FBN3: variants seen among roughly 807,000 people sequenced by gnomAD.
FBN3 encodes fibrillin-3.
A neutral mutation model predicts 330.1 loss-of-function variants in FBN3; 234 were observed. The observed-to-expected ratio is 0.71, with a 90% CI of 0.64 to 0.79. The LOEUF is 0.79. FBN3 is among the 30% of genes least tolerant of loss of function. The pLI, the probability that FBN3 is intolerant of heterozygous loss-of-function variation, is 0.00. For missense variants in FBN3, 3,606 were observed against 3,886.9 expected, an observed-to-expected ratio of 0.93 and a Z score of 1.92; for synonymous variants, 1,458 against 1,517.3, an observed-to-expected ratio of 0.96 and a Z score of 0.91.
At chr19:8,126,397 G>T in intron 20 of FBN3, 50 bp from the exon 21 acceptor site, 1 of 1,583,946 alleles carries the variant, frequency 6.3e-7, no homozygotes, top group Admixed American at 1.9e-5. Context: ...TCTCATGCCA[G>T]CCCAAGGGGG....
At position 8,073,249 on chromosome 19, in the gene FBN3, C is replaced by G; in HGVS notation, c.7751G>C (p.Cys2584Ser). The G allele has an allele frequency of 6.2e-7, 1 of 1,613,984 alleles. No homozygotes were observed. The highest frequency in any genetic ancestry group is 8.5e-7 in the Non-Finnish European group (1 of 1,179,970). The change falls in exon 62 of 64, where the codon TGT (cysteine) becomes TCT (serine). Residue 2584 changes from cysteine (C) to serine (S), a missense_variant. Coordinates refer to ENST00000600128, the MANE Select transcript of FBN3 (RefSeq NM_032447.5). The stretch of plus-strand genomic sequence containing the variant: ...GCGGAAGCCACCAAGAGTGTTGCGA[C>G]AGGAGGCGCTCCCGCAGGTGGGGGG... ...LSPPTCGSAS[C>S]RNTLGGFRCV...
Position 8,129,064 on chromosome 19 carries a change from C to CGG in FBN3, c.2258_2259dup (p.Gly754ProfsTer24). On this transcript the variant is annotated frameshift_variant, in exon 18 of 64. Coordinates refer to ENST00000600128, the MANE Select transcript of FBN3 (RefSeq NM_032447.5). LOFTEE classifies it high-confidence loss of function. This position sits in a 1 kb window ranked among gnomAD's most constrained non-coding sequence, Gnocchi z 4.5. ...TCCGTGTCCTGCCAGAAGTGGAAGCCGGGGGGGCAGGAGCAGCTGTAGCTG... is the reference window on the plus strand; with the variant it reads ...TCCGTGTCCTGCCAGAAGTGGAAGCCGGGGGGGGGCAGGAGCAGCTGTAGCTG... 6.2e-7 allele frequency: 1 copy of CGG among 1,604,214 alleles called. No homozygotes were observed.
Position 8,081,019 on chromosome 19 carries a change from G to A in FBN3, c.7437C>T (p.His2479=). The change falls in exon 59 of 64, where the codon CAC becomes CAT. Residue 2479 remains histidine, a synonymous_variant. Transcript: ENST00000600128. ...GTCACTCACCGAAGCAGGCCTGGTG[G>A]TGCTGGGTGAAGCCGGGCGGACAGC... ...TCRCPPGFTQ[H]HQACFDNDEC... is the part of the protein sequence containing the mutation. The A allele has an allele frequency of 6.2e-7, 1 of 1,612,316 alleles. No homozygotes were observed. Among genetic ancestry groups the A allele is most frequent in the Non-Finnish European group, 8.5e-7 (1 of 1,179,350 alleles).
At position 8,129,077 on chromosome 19, in the gene FBN3, G is replaced by GCAGCT; in HGVS notation, c.2242_2246dup (p.Cys749Ter). ...AGAAGTGGAAGCCGGGGGGGCAGGA[G>GCAGCT]CAGCTGTAGCTGCCAGGGCTATTCT... is the stretch of plus-strand genomic sequence containing the variant. On this transcript the variant is annotated stop_gained and frameshift_variant, in exon 18 of 64. Coordinates refer to ENST00000600128, the MANE Select transcript of FBN3 (RefSeq NM_032447.5). LOFTEE classifies it high-confidence loss of function. The surrounding 1 kb of genome is among the most constrained non-coding windows in gnomAD (Gnocchi z 4.5). 6 of 1,613,560 alleles carry GCAGCT rather than the reference G, an allele frequency of 3.7e-6. No individual in the cohort carries two copies. Among genetic ancestry groups the GCAGCT allele is most frequent in the Non-Finnish European group, 5.1e-6 (6 of 1,179,984 alleles).
rs181190282 is a variant in FBN3 at position 8,101,249 on chromosome 19, C to G, written c.5090-277G>C. ...AGGTGACCCTCCCACCTTAGCCTCC[C>G]AAGTAGCTGGGATTACAGGCGTGAG... is the stretch of plus-strand genomic sequence containing the variant. On this transcript the variant is annotated intron_variant, in intron 40 of 63. Coordinates refer to ENST00000600128, the MANE Select transcript of FBN3 (RefSeq NM_032447.5). Among the ~76,000 whole-genome samples the G allele has an allele frequency of 2.6e-3, 398 of 152,320 alleles. 3 individuals carry two copies. The highest frequency in any genetic ancestry group is 9.2e-3 in the African/African-American group (382 of 41,568).
At chr19:8,080,234 T>C (rs1289332366) in intron 59 of FBN3, among the ~76,000 whole-genome samples, 1 of 152,222 alleles carries the variant, frequency 6.6e-6, no homozygotes, top group Non-Finnish European at 1.5e-5. Context: ...GTAGGTGCTG[T>C]CTGGGCAGAT....
intron 30 of FBN3, among the ~76,000 whole-genome samples, chr19:8,115,094 A>G (rs1027011857): frequency 6.6e-6 from 1 of 151,762 alleles, no homozygotes; most frequent in East Asian, 1.9e-4. Flanking sequence ...ACCTCAGGTG[A>G]TCTGCCCGCC....
intron 13 of FBN3, 25 bp downstream of exon 13, chr19:8,135,936 G>GGGGGGGGGGGGGCGCCCCC: frequency 3.0e-6 from 2 of 668,778 alleles, no homozygotes; most frequent in Non-Finnish European, 4.8e-6. Context: ...GGAAGCCCCT[G>GGGGGGGGGGGGGCGCCCCC]CCCACCCGCC....
At chr19:8,082,325 TTCTG>T (rs1339333406) in intron 57 of FBN3, among the ~76,000 whole-genome samples, 1 of 149,938 alleles carries the variant, frequency 6.7e-6, no homozygotes, top group Admixed American at 6.8e-5. Flanking sequence ...CTTTCTTTCT[TTCTG>T]TTTCTTTCTC....
chr19:8,147,469 C>T lies in FBN3; in HGVS notation c.12G>A (p.Glu4=). The change falls in exon 2 of 64, where the codon GAG becomes GAA. Residue 4 remains glutamate (E), a synonymous_variant. Coordinates refer to ENST00000600128, the MANE Select transcript of FBN3 (RefSeq NM_032447.5). MTL[E]GLYLARGPLA... Reference sequence around the variant, plus strand: ...GGGGGCCCCTTGCCAAATACAGACCCTCCAGAGTCATGGCGTGTCCCCTGG... The same window carrying T: ...GGGGGCCCCTTGCCAAATACAGACCTTCCAGAGTCATGGCGTGTCCCCTGG... 3 of 1,522,070 alleles carry T rather than the reference C, an allele frequency of 2.0e-6. No individual in the cohort carries two copies. The highest frequency in any genetic ancestry group is 2.6e-6 in the Non-Finnish European group (3 of 1,136,906). The allele number at this position is 1,522,070 out of a possible 1,614,324, so 94.3% of individuals were successfully genotyped here. A position where few individuals can be genotyped will look rare whatever the true frequency, so the allele number is the denominator to read the frequency against.
chr19:8,111,082 T>C lies in FBN3; in HGVS notation c.4186A>G (p.Thr1396Ala). 6.2e-7 allele frequency: 1 copy of C among 1,613,374 alleles called. No individual in the cohort carries two copies. The highest frequency in any genetic ancestry group is 8.5e-7 in the Non-Finnish European group (1 of 1,179,612). ...CCCTGGCAGGCCCGGTGGTCCTCGG[T>C]GGGGTCAAAGCCCATCTCACATTCA... ...RCECEMGFDP[T>A]EDHRACQDVD... Residue 1396 changes from threonine (T) to alanine (A), a missense_variant, in exon 33 of 64, where the codon ACC (threonine) becomes GCC (alanine). Physicochemically the swap from Thr to Ala is moderately conservative, Grantham distance 58. Coordinates refer to ENST00000600128, the MANE Select transcript of FBN3 (RefSeq NM_032447.5).
intron 10 of FBN3, 125 bp downstream of exon 10, chr19:8,138,016 T>A (rs922586213): frequency 1.8e-6 from 2 of 1,093,820 alleles, no homozygotes; most frequent in African/African-American, 1.6e-5. Context: ...AGGCCAGGAG[T>A]TCCCCCTCCA....
intron 6 of FBN3, among the ~76,000 whole-genome samples, chr19:8,143,102 C>T (rs1235410682): frequency 6.6e-6 from 1 of 152,134 alleles, no homozygotes. Context: ...CCACCCACTC[C>T]GGTTCTCTTT....
Position 8,138,298 on chromosome 19 carries a change from C to A in FBN3, c.1044G>T (p.Gln348His), listed in dbSNP as rs888629654. Residue 348 changes from glutamine to histidine, a missense_variant, in exon 10 of 64, where the codon CAG (glutamine) becomes CAT (histidine). Coordinates refer to ENST00000600128, the MANE Select transcript of FBN3 (RefSeq NM_032447.5). ...GSNEFQQLCA[Q>H]RLPLLPGHPG... ...GGTGGCCGGGTAGCAGCGGCAGCCG[C>A]TGGGCGCACAGTTGCTGGAATTCAT... 1.9e-6 allele frequency: 3 copies of A among 1,613,180 alleles called. No individual in the cohort carries two copies. In the African/African-American group the frequency reaches 4.0e-5, roughly 22 times the overall value.
chr19:8,121,450 G>A lies in FBN3; in HGVS notation c.3083-64C>T, dbSNP rs984080620. The A allele has an allele frequency of 6.8e-7, 1 of 1,470,786 alleles. No individual in the cohort carries two copies. The highest frequency in any genetic ancestry group is 1.4e-5 in the South Asian group (1 of 73,166). The allele number at this position is 1,470,786 out of a possible 1,614,324, so 91.1% of individuals were successfully genotyped here. On this transcript the variant is annotated intron_variant, in intron 24 of 63. Transcript: ENST00000600128. This position sits in a 1 kb window ranked among gnomAD's most constrained non-coding sequence, Gnocchi z 4.5. Reference sequence around the variant, plus strand: ...GGCCGCATCATGGGGCACGAGGCAGGGGGGTCCCTGTCCTTTGATGGAGGT... The same window carrying A: ...GGCCGCATCATGGGGCACGAGGCAGAGGGGTCCCTGTCCTTTGATGGAGGT...
chr19:8,098,340 C>A lies in FBN3; in HGVS notation c.5162-926G>T, dbSNP rs79910775. Among the ~76,000 whole-genome samples, 1,183 of 132,026 alleles carry A rather than the reference C, an allele frequency of 9.0e-3. 35 individuals carry two copies. Among genetic ancestry groups the A allele is most frequent in the African/African-American group, 0.033 (1,112 of 33,508 alleles). The allele number at this position is 132,026 out of a possible 152,430, so 86.6% of individuals were successfully genotyped here. On this transcript the variant is annotated intron_variant, in intron 41 of 63. Coordinates refer to ENST00000600128, the MANE Select transcript of FBN3 (RefSeq NM_032447.5). Reference sequence around the variant, plus strand: ...TCAATCAATGGGGGACAGGAAACAACCTAAGTGTCAATCAATGGGGGACTG... The same window carrying A: ...TCAATCAATGGGGGACAGGAAACAAACTAAGTGTCAATCAATGGGGGACTG...
intron 48 of FBN3, among the ~76,000 whole-genome samples, chr19:8,091,034 G>A (rs971631467): frequency 6.6e-6 from 1 of 152,158 alleles, no homozygotes; most frequent in Non-Finnish European, 1.5e-5. Context: ...TCGCTGAGGT[G>A]AACTGCATGC....
At position 8,149,188 on chromosome 19, in the gene FBN3, C is replaced by A. The variant is rs2083619700; in HGVS notation, c.-18+261G>T. ...ACCCGGCAGGGCCCCCGGCCGCGAC[C>A]ACGCTTGGCTCCGCCCTCACCTGTG... On this transcript the variant is annotated intron_variant, in intron 1 of 63. Transcript: ENST00000600128. The surrounding 1 kb of genome is among the most constrained non-coding windows in gnomAD (Gnocchi z 5.5). 6.6e-6 allele frequency among the ~76,000 whole-genome samples: 1 copy of A among 151,936 alleles called. No individual in the cohort carries two copies. The highest frequency in any genetic ancestry group is 1.5e-5 in the Non-Finnish European group (1 of 67,920).
intron 41 of FBN3, among the ~76,000 whole-genome samples, chr19:8,098,915 C>T (rs1284235078): frequency 6.6e-6 from 1 of 152,184 alleles, no homozygotes; most frequent in Non-Finnish European, 1.5e-5. Flanking sequence ...CAGTGGGGGA[C>T]TGGAAATTAC....
Sources: gnomAD v4.1 joint callset for allele counts (sites outside exome capture counted in the v4.1 genomes callset) on GRCh38, gnomAD v4.1.1 for gene constraint, Gnocchi (gnomAD v3.1) non-coding constraint, MANE v1.5 for transcripts, NCBI Gene and HGNC (gene_info 2026-07-23, HGNC 2026-07-21) for gene names.